The following C12orf42 variants were observed in gnomAD, a reference collection of about 807,000 sequenced individuals.
C12orf42 encodes the protein chromosome 12 open reading frame 42.
In C12orf42, 25 loss-of-function variants were observed where a neutral mutation model predicts 21.6. The observed-to-expected ratio is 1.16, with a 90% CI of 0.84 to 1.62. The LOEUF (loss-of-function observed/expected upper bound fraction) is 1.62. C12orf42 is among the 40% of genes most tolerant of loss of function. The pLI is 0.00. For missense variants in C12orf42, 483 were observed against 459.3 expected, an observed-to-expected ratio of 1.05 and a Z score of -0.47; for synonymous variants, 174 against 175.0, an observed-to-expected ratio of 0.99 and a Z score of 0.05.
chr12:103,498,090 C>G (rs1030245347), upstream of C12orf42, among the ~76,000 whole-genome samples: 1 of 151,384 alleles, frequency 6.6e-6, no homozygotes, highest in African/African-American at 2.4e-5. Flanking sequence ...ATCTAATCAG[C>G]TACGATGAGA....
chr12:103,506,860 A>ATATATAAATATATATATTTATATAT, the C12orf42 span, among the ~76,000 whole-genome samples: 3 of 71,930 alleles, frequency 4.2e-5, no homozygotes, highest in African/African-American at 1.2e-4. Context: ...TTTATATATT[A>ATATATAAATATATATATTTATATAT]TATATATATA....
chr12:103,341,421 G>A (rs931466191), intron 4 of C12orf42, among the ~76,000 whole-genome samples: 1 of 151,888 alleles, frequency 6.6e-6, no homozygotes. Flanking sequence ...CACAATTGGA[G>A]GTCACAAAAG....
the C12orf42 span, among the ~76,000 whole-genome samples, chr12:103,068,370 AG>A: frequency 6.6e-6 from 1 of 152,170 alleles, no homozygotes; most frequent in Admixed American, 6.5e-5. Flanking sequence ...GGTTGTACAA[AG>A]GATAGTTGTA....
the C12orf42 span, among the ~76,000 whole-genome samples, chr12:103,061,491 G>A: frequency 6.7e-6 from 1 of 150,320 alleles, no homozygotes; most frequent in African/African-American, 2.5e-5. Context: ...ATCCCATCAT[G>A]ATTTTTTTTT....
chr12:103,425,010 C>A (rs1011346990), intron 2 of C12orf42, among the ~76,000 whole-genome samples: 2 of 152,132 alleles, frequency 1.3e-5, no homozygotes, highest in African/African-American at 4.8e-5. Context: ...AGAGGGGTGT[C>A]CGTCATTACT....
chr12:103,262,549 TTAA>T (rs1284000752), intron 10 of C12orf42: 15 of 152,236 alleles, frequency 9.9e-5, no homozygotes. Context: ...CTTCTTTTTA[TTAA>T]TTTTTTGTAT....
chr12:103,280,239 G>A (rs1010329073), intron 4 of C12orf42, among the ~76,000 whole-genome samples: 5 of 152,174 alleles, frequency 3.3e-5, no homozygotes, highest in Non-Finnish European at 7.3e-5. Context: ...GATTGTAGTA[G>A]TGGAGCAGGG....
At chr12:103,434,792 A>C (rs10861008) in intron 2 of C12orf42, among the ~76,000 whole-genome samples, 96,737 of 152,056 alleles carry the variant, frequency 0.64, 31,484 homozygotes, top group Admixed American at 0.73. Flanking sequence ...GCAGTCTGAG[A>C]TCAAACTGCA....
At chr12:103,329,337 A>T (rs139588205) in intron 4 of C12orf42, among the ~76,000 whole-genome samples, 1 of 152,330 alleles carries the variant, frequency 6.6e-6, no homozygotes, top group Non-Finnish European at 1.5e-5. Flanking sequence ...CAATGAGAAC[A>T]CATGGACACA....
At chr12:103,342,657 A>AC (rs1196060087) in intron 4 of C12orf42, among the ~76,000 whole-genome samples, 2 of 98,156 alleles carry the variant, frequency 2.0e-5, no homozygotes, top group East Asian at 3.6e-4. Context: ...TCATTTCCCC[A>AC]CCCCCCGCCC....
At chr12:103,218,108 C>T in the C12orf42 span, among the ~76,000 whole-genome samples, 2 of 151,894 alleles carry the variant, frequency 1.3e-5, no homozygotes, top group Admixed American at 6.6e-5. Flanking sequence ...TGGCAAAACC[C>T]GTCTCTACTA....
intron 2 of C12orf42, among the ~76,000 whole-genome samples, chr12:103,430,446 TA>T (rs1328432779): frequency 1.3e-5 from 2 of 152,070 alleles, no homozygotes; most frequent in Non-Finnish European, 2.9e-5. Flanking sequence ...TGGCGATCAT[TA>T]AAAAGTCAGG....
rs980515764 is a variant in C12orf42, at chr12:103,286,634, GA to G, written n.338-9425del. 4.0e-5 allele frequency among the ~76,000 whole-genome samples: 6 copies of G among 151,712 alleles called. No homozygotes were observed. The East Asian group carries it at 1.2e-3, about 29-fold the overall frequency. ...ATTACTATTATTTTGCAATAGAGAG[GA>G]AAAATGTGTGTGGTGCTTTTTACAA... On this transcript the variant is annotated intron_variant and non_coding_transcript_variant, in intron 4 of 6. Coordinates refer to the C12orf42 transcript ENST00000546526.
intron 3 of C12orf42, among the ~76,000 whole-genome samples, chr12:103,394,717 G>C (rs1394157613): frequency 6.6e-6 from 1 of 152,216 alleles, no homozygotes; most frequent in East Asian, 1.9e-4. Context: ...GGTGGCTTTA[G>C]TGGGCAGCTT....
chr12:103,465,417 T>C (rs1405421035), intron 2 of C12orf42, among the ~76,000 whole-genome samples: 1 of 152,138 alleles, frequency 6.6e-6, no homozygotes, highest in Non-Finnish European at 1.5e-5. Context: ...TGTTGGTGTA[T>C]AGGAATGCTT....
intron 4 of C12orf42, among the ~76,000 whole-genome samples, chr12:103,290,454 A>G (rs2036727442): frequency 6.6e-6 from 1 of 152,184 alleles, no homozygotes; most frequent in Non-Finnish European, 1.5e-5. Context: ...ATGGGTCAAC[A>G]GGCAATTGTT....
At chr12:103,315,989 C>A (rs756190091) in intron 4 of C12orf42, among the ~76,000 whole-genome samples, 8 of 150,410 alleles carry the variant, frequency 5.3e-5, no homozygotes, top group Non-Finnish European at 7.4e-5. Flanking sequence ...TATATATATA[C>A]ACACACACAG....
At chr12:103,363,701 A>G (rs774328740) in intron 4 of C12orf42, among the ~76,000 whole-genome samples, 2 of 152,248 alleles carry the variant, frequency 1.3e-5, no homozygotes, top group South Asian at 4.1e-4. Flanking sequence ...CTATTGTTAT[A>G]TCAGACAAAA....
At chr12:103,089,502 G>A in the C12orf42 span, among the ~76,000 whole-genome samples, 3 of 151,982 alleles carry the variant, frequency 2.0e-5, no homozygotes, top group African/African-American at 7.3e-5. Flanking sequence ...GTAAGAAATC[G>A]GTAATGAGAC....
Sources: gnomAD v4.1 joint callset for allele counts (sites outside exome capture counted in the v4.1 genomes callset) on GRCh38, gnomAD v4.1.1 for gene constraint, MANE v1.5 for transcripts, NCBI Gene and HGNC (gene_info 2026-07-23, HGNC 2026-07-21) for gene names.